The following VWA7 variants were observed in gnomAD, a reference collection of about 807,000 sequenced individuals.
VWA7 encodes the protein von Willebrand factor A domain containing 7.
A neutral mutation model predicts 83.1 loss-of-function variants in VWA7; 66 were observed. The ratio of observed to expected loss-of-function variants is 0.79; its 90% CI spans 0.65 to 0.98. The LOEUF is 0.98. Ranked by LOEUF, VWA7 falls within the 50% of genes least tolerant of loss-of-function variation. The pLI is 0.00. For missense variants in VWA7, 1,080 were observed against 1,160.2 expected (o/e 0.93, Z 1.00); for synonymous variants, 424 against 488.5 (o/e 0.87, Z 1.74).
In VWA7 at chr6:31,776,549, G is replaced by T; in HGVS notation, c.231C>A (p.Phe77Leu). 6.5e-7 allele frequency: 1 copy of T among 1,546,848 alleles called. No individual in the cohort carries two copies. ...PGRPPLRLEDFLGRTLLADDL... is the reference protein window; with the variant it reads ...PGRPPLRLEDLLGRTLLADDL... ...GACAGGACCCTGGGATGCTCACCAG[G>T]AAGTCCTCAAGACGAAGAGGGGGGC... is the stretch of plus-strand genomic sequence containing the variant. Residue 77 changes from phenylalanine to leucine, a missense_variant, in exon 2 of 17, where the codon TTC (phenylalanine) becomes TTA (leucine). Phe to Leu is a conservative substitution (Grantham distance 22). Coordinates refer to ENST00000375688, the MANE Select transcript of VWA7 (RefSeq NM_025258.3). This position sits in a 1 kb window ranked among gnomAD's most constrained non-coding sequence, Gnocchi z 6.2.
chr6:31,767,723 AC>A lies in VWA7; in HGVS notation c.1534del (p.Val512CysfsTer47). 6.2e-7 allele frequency: 1 copy of A among 1,612,634 alleles called. No individual in the cohort carries two copies. The highest frequency in any genetic ancestry group is 8.5e-7 in the Non-Finnish European group (1 of 1,178,722). ...GCTGAACACAAGTGGCTGCCCAGGC[AC>A]CACAACAGGAGGGTCCAGGGGAAGA... is the stretch of plus-strand genomic sequence containing the variant. The part of the protein sequence containing the change: ...VTLPLDPPVV[V>X]PGQPLVFSVD... On this transcript the variant is annotated frameshift_variant, in exon 11 of 17. Coordinates refer to ENST00000375688, the MANE Select transcript of VWA7 (RefSeq NM_025258.3). LOFTEE classifies it high-confidence loss of function.
In VWA7 at chr6:31,774,516, C is replaced by G. The variant is rs754767815; in HGVS notation, c.721G>C (p.Gly241Arg). 5.0e-6 allele frequency: 8 copies of G among 1,612,372 alleles called. No homozygotes were observed. Among genetic ancestry groups the G allele is most frequent in the Non-Finnish European group, 6.8e-6 (8 of 1,179,814 alleles). The change falls in exon 5 of 17, where the codon GGG becomes CGG. Residue 241 changes from glycine (G) to arginine (R), a missense_variant and splice_region_variant. Coordinates refer to ENST00000375688, the MANE Select transcript of VWA7 (RefSeq NM_025258.3). ...YFGTHPPKPP[G>R]KCSHGGHFDR... is the part of the protein sequence containing the mutation. ...TCTGGGGAACTTTCTTGTCTGGTAC[C>G]TGGAGGTTTCGGGGGATGAGTTCCA... is the stretch of plus-strand genomic sequence containing the variant.
chr6:31,774,839 G>A (rs1581616523), intron 4 of VWA7, among the ~76,000 whole-genome samples: 1 of 152,176 alleles, frequency 6.6e-6, no homozygotes, highest in Admixed American at 6.5e-5. Flanking sequence ...ACACAGCACA[G>A]GCTGGGTGCG....
In VWA7 at chr6:31,767,595, C is replaced by T. The variant is rs184766277; in HGVS notation, c.1636+27G>A. 13 of 1,602,616 alleles carry T rather than the reference C, an allele frequency of 8.1e-6. No individual in the cohort carries two copies. The Admixed American group carries it at 1.2e-4, about 14-fold the overall frequency. On this transcript the variant is annotated intron_variant, in intron 11 of 16. Coordinates refer to ENST00000375688, the MANE Select transcript of VWA7 (RefSeq NM_025258.3). ...CCTCGATTGTCTATTCCCCGGTCCC[C>T]TCTCTTCCCTCTACCTTCAGAGGTA...
chr6:31,776,818 G>T lies in VWA7; in HGVS notation c.-15-24C>A. The T allele has an allele frequency of 7.8e-7, 1 of 1,284,624 alleles. No homozygotes were observed. The allele number at this position is 1,284,624 out of a possible 1,614,324, so 79.6% of individuals were successfully genotyped here. ...ACCTGGGAGACAGAAGGCTCTCAAGGGAGGAGGAAGCAGCCGCGATTCCAG... is the reference window on the plus strand; with the variant it reads ...ACCTGGGAGACAGAAGGCTCTCAAGTGAGGAGGAAGCAGCCGCGATTCCAG... On this transcript the variant is annotated intron_variant, in intron 1 of 16. Transcript: ENST00000375688. The surrounding 1 kb of genome is among the most constrained non-coding windows in gnomAD (Gnocchi z 6.2).
chr6:31,773,418 G>T lies in VWA7; in HGVS notation c.741C>A (p.Gly247=). The change falls in exon 6 of 17, where the codon GGC becomes GGA. Residue 247 remains glycine, a synonymous_variant. Transcript: ENST00000375688. The surrounding 1 kb of genome is among the most constrained non-coding windows in gnomAD (Gnocchi z 5.3). ...PKPPGKCSHG[G]HFDRSSSQPP... ...GCTGGGAGCTGCTCCGGTCAAAATGGCCCCCGTGGCTACATTTCCCTGGGT... is the reference window on the plus strand; with the variant it reads ...GCTGGGAGCTGCTCCGGTCAAAATGTCCCCCGTGGCTACATTTCCCTGGGT... 1 of 1,596,646 alleles carries T rather than the reference G, an allele frequency of 6.3e-7. No individual in the cohort carries two copies. Among genetic ancestry groups the T allele is most frequent in the East Asian group, 2.2e-5 (1 of 44,464 alleles).
Position 31,769,648 on chromosome 6 carries a change from A to C in VWA7, c.1317+27T>G. ...TCTCTCACATCCCTGGGAGGCTAAC[A>C]CTGGGTCTCCCACTAGCTCTGCTCA... On this transcript the variant is annotated intron_variant, in intron 9 of 16. Transcript: ENST00000375688. This position sits in a 1 kb window ranked among gnomAD's most constrained non-coding sequence, Gnocchi z 4.5. The C allele has an allele frequency of 6.3e-7, 1 of 1,583,636 alleles. No homozygotes were observed. Among genetic ancestry groups the C allele is most frequent in the Non-Finnish European group, 8.7e-7 (1 of 1,153,668 alleles).
In VWA7 at chr6:31,776,155, A is replaced by T; in HGVS notation, c.322T>A (p.Ser108Thr). 1 of 1,613,984 alleles carries T rather than the reference A, an allele frequency of 6.2e-7. No individual in the cohort carries two copies. Among genetic ancestry groups the T allele is most frequent in the Non-Finnish European group, 8.5e-7 (1 of 1,180,012 alleles). ...AAGTCCTGGGCTGCATTGGCACGAG[A>T]CACCTCACCTAAGGCTGCTCGGAAC... ...RRFRAALGEV[S>T]RANAAQDFLP... The change falls in exon 3 of 17, where the codon TCT (serine) becomes ACT (threonine). Residue 108 changes from serine (S) to threonine (T), a missense_variant. By Grantham distance (58) the Ser-to-Thr change is moderately conservative (BLOSUM62 1). Coordinates refer to ENST00000375688, the MANE Select transcript of VWA7 (RefSeq NM_025258.3). The surrounding 1 kb of genome is among the most constrained non-coding windows in gnomAD (Gnocchi z 6.2).
chr6:31,769,582 T>C lies in VWA7; in HGVS notation c.1317+93A>G, dbSNP rs1811968299. On this transcript the variant is annotated intron_variant, in intron 9 of 16. Coordinates refer to ENST00000375688, the MANE Select transcript of VWA7 (RefSeq NM_025258.3). This position sits in a 1 kb window ranked among gnomAD's most constrained non-coding sequence, Gnocchi z 4.5. Reference sequence around the variant, plus strand: ...TATACCAAGGCTTGTTGGGCCACCATAGTGTGGTGCAACCCTCGTTATGAG... The same window carrying C: ...TATACCAAGGCTTGTTGGGCCACCACAGTGTGGTGCAACCCTCGTTATGAG... 5 of 1,185,444 alleles carry C rather than the reference T, an allele frequency of 4.2e-6. No homozygotes were observed. Among genetic ancestry groups the C allele is most frequent in the Non-Finnish European group, 6.2e-6 (5 of 803,594 alleles). 73.4% of individuals were successfully genotyped at this position (1,185,444 alleles called of 1,614,324 possible).
Position 31,776,010 on chromosome 6 carries a change from T to C in VWA7, c.467A>G (p.His156Arg), listed in dbSNP as rs758734992. ...CCCGAGGCGCTGGCGAGCCAGGGTG[T>C]GGTCAAGGGCCCTGGCTGCCACCAC... The part of the protein sequence containing the change: ...ETVVAARALD[H>R]TLARQRLGAA... The change falls in exon 3 of 17, where the codon CAC (histidine) becomes CGC (arginine). Residue 156 changes from histidine (H) to arginine (R), a missense_variant. His to Arg is a conservative substitution (Grantham distance 29). Transcript: ENST00000375688. This position sits in a 1 kb window ranked among gnomAD's most constrained non-coding sequence, Gnocchi z 6.2. 4 of 1,612,938 alleles carry C rather than the reference T, an allele frequency of 2.5e-6. No individual in the cohort carries two copies. The highest frequency in any genetic ancestry group is 2.2e-5 in the South Asian group (2 of 91,028).
At chr6:31,772,499 C>T (rs751510813) in intron 7 of VWA7, among the ~76,000 whole-genome samples, 5 of 150,110 alleles carry the variant, frequency 3.3e-5, no homozygotes, top group Non-Finnish European at 7.4e-5. Flanking sequence ...CTCGGGACTA[C>T]AGGAAGTGCC....
chr6:31,775,955 T>C lies in VWA7; in HGVS notation c.513+9A>G, dbSNP rs1475603090. 4 of 1,604,098 alleles carry C rather than the reference T, an allele frequency of 2.5e-6. No individual in the cohort carries two copies. The highest frequency in any genetic ancestry group is 3.4e-6 in the Non-Finnish European group (4 of 1,175,060). On this transcript the variant is annotated intron_variant, in intron 3 of 16. Transcript: ENST00000375688. This position sits in a 1 kb window ranked among gnomAD's most constrained non-coding sequence, Gnocchi z 5.9. Reference sequence around the variant, plus strand: ...ACCCCTCTGACCATCAACCCAACCCTGTTCTCACCTGCAGGGCATGAAGTG... The same window carrying C: ...ACCCCTCTGACCATCAACCCAACCCCGTTCTCACCTGCAGGGCATGAAGTG...
chr6:31,775,366 AGAG>A lies in VWA7; in HGVS notation c.574_576del (p.Leu192del), dbSNP rs1175242018. On this transcript the variant is annotated inframe_deletion, in exon 4 of 17. Transcript: ENST00000375688. The surrounding 1 kb of genome is among the most constrained non-coding windows in gnomAD (Gnocchi z 5.9). ...AGGTTCTGGAGCTCCTGCCTTGGCC[AGAG>A]GAGGTGAGGGTGTGGCTGCTGCTCG... 1.9e-6 allele frequency: 3 copies of A among 1,612,722 alleles called. No individual in the cohort carries two copies. The highest frequency in any genetic ancestry group is 2.5e-6 in the Non-Finnish European group (3 of 1,179,854).
chr6:31,774,105 G>T (rs1812458276), intron 5 of VWA7, among the ~76,000 whole-genome samples: 1 of 135,624 alleles, frequency 7.4e-6, no homozygotes, highest in Admixed American at 8.4e-5. Flanking sequence ...AGTGAGCCGA[G>T]ATCGTGCCAC....
At chr6:31,770,998 C>CCT in intron 7 of VWA7, among the ~76,000 whole-genome samples, 1 of 143,506 alleles carries the variant, frequency 7.0e-6, no homozygotes, top group Non-Finnish European at 1.5e-5. Flanking sequence ...TGAGACTCTC[C>CCT]CTCTCTCTCT....
At position 31,769,787 on chromosome 6, in the gene VWA7, G is replaced by C; in HGVS notation, c.1205C>G (p.Ala402Gly). The change falls in exon 9 of 17, where the codon GCC becomes GGC. Residue 402 changes from alanine (A) to glycine (G), a missense_variant. By Grantham distance (60) the Ala-to-Gly change is moderately conservative. Coordinates refer to ENST00000375688, the MANE Select transcript of VWA7 (RefSeq NM_025258.3). This position sits in a 1 kb window ranked among gnomAD's most constrained non-coding sequence, Gnocchi z 4.5. ...PEMCLSALQL[A>G]LLHTPPLSDI... ...TGAGAGTGGAGGTGTGTGCAGCAGG[G>C]CCAGCTGGCAGGGAAGGCAACGACC... 1.2e-6 allele frequency: 2 copies of C among 1,613,018 alleles called. No homozygotes were observed. Among genetic ancestry groups the C allele is most frequent in the Middle Eastern group, 1.6e-4 (1 of 6,062 alleles).
rs1447560485 is a variant in VWA7, at chr6:31,767,727, C to T, written c.1531G>A (p.Val511Met). 1.2e-6 allele frequency: 2 copies of T among 1,611,286 alleles called. No individual in the cohort carries two copies. The highest frequency in any genetic ancestry group is 1.7e-5 in the Admixed American group (1 of 59,958). The change falls in exon 11 of 17, where the codon GTG becomes ATG. Residue 511 changes from valine to methionine, a missense_variant. Coordinates refer to ENST00000375688, the MANE Select transcript of VWA7 (RefSeq NM_025258.3). Reference sequence around the variant, plus strand: ...AACACAAGTGGCTGCCCAGGCACCACAACAGGAGGGTCCAGGGGAAGAGTC... The same window carrying T: ...AACACAAGTGGCTGCCCAGGCACCATAACAGGAGGGTCCAGGGGAAGAGTC... Reference protein sequence around the residue: ...LVTLPLDPPVVVPGQPLVFSV... With the variant: ...LVTLPLDPPVMVPGQPLVFSV...
chr6:31,765,885 G>A lies in VWA7; in HGVS notation c.2497C>T (p.Gln833Ter). 2 of 1,613,068 alleles carry A rather than the reference G, an allele frequency of 1.2e-6. No individual in the cohort carries two copies. Among genetic ancestry groups the A allele is most frequent in the Non-Finnish European group, 1.7e-6 (2 of 1,180,006 alleles). Reference protein sequence around the residue: ...LRLLVSAPAPQDRHTTPTGSS... With the variant: ...LRLLVSAPAP ...GATGGAAAGTAGTGGTTCCTCACCT[G>A]CGGGGCTGGGGCCGATACCAGGAGC... Residue 833 changes from glutamine to a stop codon, truncating the protein, a stop_gained and splice_region_variant, in exon 16 of 17, where the codon CAG becomes TAG. Coordinates refer to ENST00000375688, the MANE Select transcript of VWA7 (RefSeq NM_025258.3). LOFTEE classifies it low-confidence loss of function (END_TRUNC).
chr6:31,769,093 T>A lies in VWA7; in HGVS notation c.1428A>T (p.Gly476=), dbSNP rs1404169511. The A allele has an allele frequency of 1.9e-6, 3 of 1,613,030 alleles. No individual in the cohort carries two copies. The highest frequency in any genetic ancestry group is 4.5e-5 in the East Asian group (2 of 44,880). Residue 476 remains glycine, a synonymous_variant, in exon 10 of 17, where the codon GGA becomes GGT. Coordinates refer to ENST00000375688, the MANE Select transcript of VWA7 (RefSeq NM_025258.3). The surrounding 1 kb of genome is among the most constrained non-coding windows in gnomAD (Gnocchi z 4.5). ...GGTCTTTGGTGAAGATCACCTCTCC[T>A]CCTGAGGCCAGGGCCACTGCTTTGT... The part of the protein sequence containing the change: ...EPYKAVALAS[G]GEVIFTKDQH...
Sources: allele counts gnomAD v4.1 joint callset (sites outside exome capture counted in the v4.1 genomes callset), GRCh38; gene constraint gnomAD v4.1.1; non-coding constraint Gnocchi (gnomAD v3.1); transcripts MANE v1.5; gene names NCBI Gene and HGNC (gene_info 2026-07-23, HGNC 2026-07-21).